The following MSH3 variants were observed in gnomAD, a reference collection of about 807,000 sequenced individuals.
The protein encoded by MSH3 is mutS homolog 3.
Under a neutral mutation model 123.3 loss-of-function variants are expected in MSH3, and 106 were observed. The ratio of observed to expected loss-of-function variants is 0.86; its 90% CI spans 0.73 to 1.01. The LOEUF (loss-of-function observed/expected upper bound fraction) is 1.01, where lower values mean the gene tolerates loss of function less well. Ranked by LOEUF, MSH3 falls within the 50% of genes least tolerant of loss-of-function variation. The pLI is 0.00. For missense variants in MSH3, 1,459 were observed against 1,347.6 expected, an observed-to-expected ratio of 1.08 and a Z score of -1.29; for synonymous variants, 515 against 481.4, an observed-to-expected ratio of 1.07 and a Z score of -0.91.
At chr5:80,809,128 A>G (rs1744961920) in intron 19 of MSH3, among the ~76,000 whole-genome samples, 1 of 151,764 alleles carries the variant, frequency 6.6e-6, no homozygotes, top group Non-Finnish European at 1.5e-5. Context: ...AAATTATAGC[A>G]TTTATAGTTT....
rs368162490 is a variant in MSH3, at chr5:80,778,736, C to G, written c.2335C>G (p.Arg779Gly). ...VKVGSTKAVSRFHSPFIVENY... is the reference protein window; with the variant it reads ...VKVGSTKAVSGFHSPFIVENY... The stretch of plus-strand genomic sequence containing the variant: ...CTCTTCTAGCACAAAAGCTGTGAGC[C>G]GCTTTCACTCTCCTTTTATTGTAGA... The change falls in exon 17 of 24, where the codon CGC becomes GGC. Residue 779 changes from arginine to glycine, a missense_variant. Coordinates refer to ENST00000265081, the MANE Select transcript of MSH3 (RefSeq NM_002439.5). 4 of 1,608,488 alleles carry G rather than the reference C, an allele frequency of 2.5e-6. No homozygotes were observed. In the African/African-American group the frequency reaches 5.3e-5, roughly 21 times the overall value.
chr5:80,848,033 C>T (rs1393233998), intron 20 of MSH3, among the ~76,000 whole-genome samples: 1 of 152,106 alleles, frequency 6.6e-6, no homozygotes, highest in African/African-American at 2.4e-5. Flanking sequence ...GGTGTTGTGA[C>T]CAGCCTGGGC....
At chr5:80,716,424 A>G (rs907933008) in intron 8 of MSH3, among the ~76,000 whole-genome samples, 1 of 151,796 alleles carries the variant, frequency 6.6e-6, no homozygotes, top group Non-Finnish European at 1.5e-5. Context: ...ATAGTATCTG[A>G]CAACTATCTT....
intron 12 of MSH3, chr5:80,746,786 C>T (rs142852408): frequency 4.5e-4 from 170 of 378,916 alleles, no homozygotes; most frequent in African/African-American, 3.3e-3. Flanking sequence ...CAAATATCTC[C>T]GCATCAAAAC....
In MSH3 at chr5:80,810,352, A is replaced by G. The variant is rs955885634; in HGVS notation, c.2656-3232A>G. 3.8e-5 allele frequency among the ~76,000 whole-genome samples: 5 copies of G among 132,134 alleles called. No individual in the cohort carries two copies. The South Asian group carries it at 8.6e-4, about 23-fold the overall frequency. 86.7% of individuals were successfully genotyped at this position (132,134 alleles called of 152,430 possible). On this transcript the variant is annotated intron_variant, in intron 19 of 23. Coordinates refer to ENST00000265081, the MANE Select transcript of MSH3 (RefSeq NM_002439.5). ...CACATTAGACAATTAGATTATCTCTATTTTTGTCAGTTATGAATACATACA... is the reference window on the plus strand; with the variant it reads ...CACATTAGACAATTAGATTATCTCTGTTTTTGTCAGTTATGAATACATACA...
At chr5:80,741,664 A>G (rs1743616906) in intron 11 of MSH3, 116 bp downstream of exon 11, 2 of 756,756 alleles carry the variant, frequency 2.6e-6, no homozygotes. Context: ...AGCTGACTGC[A>G]GTATTAATTG....
intron 12 of MSH3, among the ~76,000 whole-genome samples, chr5:80,751,484 C>T (rs1017685826): frequency 6.6e-6 from 1 of 152,170 alleles, no homozygotes; most frequent in African/African-American, 2.4e-5. Flanking sequence ...AGTCCAAGAT[C>T]AAGGAATCCT....
chr5:80,695,744 C>T (rs1750465211), intron 8 of MSH3, among the ~76,000 whole-genome samples: 1 of 152,222 alleles, frequency 6.6e-6, no homozygotes, highest in African/African-American at 2.4e-5. Context: ...AAACATTTAG[C>T]ATGGCTGCTC....
In MSH3 at chr5:80,654,956, C is replaced by T. The variant is rs1200938359; in HGVS notation, c.229C>T (p.Pro77Ser). The T allele has an allele frequency of 2.0e-6, 3 of 1,472,666 alleles. No homozygotes were observed. The highest frequency in any genetic ancestry group is 2.7e-6 in the Non-Finnish European group (3 of 1,115,548). The allele number at this position is 1,472,666 out of a possible 1,614,324, so 91.2% of individuals were successfully genotyped here. The change falls in exon 1 of 24, where the codon CCG becomes TCG. Residue 77 changes from proline (P) to serine (S), a missense_variant. Physicochemically the swap from Pro to Ser is moderately conservative, Grantham distance 74. Transcript: ENST00000265081. The stretch of plus-strand genomic sequence containing the variant: ...TCCCGCCTTCCCGCCCCAGCTGCCG[C>T]CGCACATAGTAGGTTCTGTCTGGGA... ...PAPAFPPQLP[P>S]HIATEIDRRK...
intron 19 of MSH3, among the ~76,000 whole-genome samples, chr5:80,808,999 A>G (rs1431439121): frequency 6.6e-6 from 1 of 151,006 alleles, no homozygotes; most frequent in African/African-American, 2.4e-5. Flanking sequence ...GCCTAAGCCA[A>G]ATGTATTTTC....
At chr5:80,655,340 GATT>G in intron 1 of MSH3, 1 of 240,722 alleles carries the variant, frequency 4.2e-6, no homozygotes, top group East Asian at 6.0e-5. Context: ...AAAAGTGCTG[GATT>G]GGGTGACTAG....
chr5:80,663,725 A>C (rs1323345047), intron 2 of MSH3, among the ~76,000 whole-genome samples: 1 of 152,210 alleles, frequency 6.6e-6, no homozygotes, highest in Non-Finnish European at 1.5e-5. Flanking sequence ...AATTCACAGG[A>C]GATCTAATGA....
intron 12 of MSH3, among the ~76,000 whole-genome samples, chr5:80,759,607 C>G (rs1011538847): frequency 9.9e-5 from 15 of 152,042 alleles, no homozygotes; most frequent in Non-Finnish European, 1.8e-4. Context: ...TGGATTTGAA[C>G]CTAAGATTAA....
At chr5:80,871,711 A>G (rs1201935801) in intron 22 of MSH3, among the ~76,000 whole-genome samples, 1 of 152,162 alleles carries the variant, frequency 6.6e-6, no homozygotes, top group Non-Finnish European at 1.5e-5. Flanking sequence ...TACCCAAGTC[A>G]GAAGCCACAA....
chr5:80,676,393 G>A (rs836810), intron 7 of MSH3, among the ~76,000 whole-genome samples: 2 of 152,030 alleles, frequency 1.3e-5, no homozygotes, highest in Non-Finnish European at 2.9e-5. Context: ...ACAGACTTAC[G>A]TGGACTCTGC....
intron 6 of MSH3, 127 bp from the exon 7 acceptor site, chr5:80,674,856 A>G: frequency 2.5e-6 from 2 of 812,124 alleles, no homozygotes; most frequent in South Asian, 1.8e-5. Flanking sequence ...CTGGGATTAC[A>G]GGTGTGAGCC....
At chr5:80,831,969 T>C (rs562648180) in intron 20 of MSH3, among the ~76,000 whole-genome samples, 57 of 147,604 alleles carry the variant, frequency 3.9e-4, no homozygotes, top group Admixed American at 8.2e-4. Context: ...ATTAGCCGGG[T>C]GTGGTGGCGG....
intron 21 of MSH3, chr5:80,855,791 G>A (rs1745906105): frequency 6.6e-6 from 1 of 151,252 alleles, no homozygotes; most frequent in South Asian, 2.1e-4. Context: ...CAGCAAATAG[G>A]TTGTACCTAG....
intron 20 of MSH3, among the ~76,000 whole-genome samples, chr5:80,851,962 A>C (rs954186885): frequency 2.0e-5 from 3 of 152,198 alleles, no homozygotes; most frequent in Admixed American, 1.3e-4. Context: ...TGACATTTCT[A>C]ACAAGACCAC....
Sources: gnomAD v4.1 joint callset for allele counts (sites outside exome capture counted in the v4.1 genomes callset) on GRCh38, gnomAD v4.1.1 for gene constraint, MANE v1.5 for transcripts, NCBI Gene and HGNC (gene_info 2026-07-23, HGNC 2026-07-21) for gene names.